Variants in HPSE2 observed in about 807,000 individuals in gnomAD.
HPSE2 encodes inactive heparanase-2.
HPSE2 carries 38 observed loss-of-function variants against 60.5 expected under a neutral mutation model. That is an observed-to-expected ratio of 0.63 (90% confidence interval 0.48 to 0.82). HPSE2 has a LOEUF of 0.82. Among genes scored for constraint, HPSE2 ranks in the 40% least tolerant of loss-of-function variants. HPSE2 has a pLI of 0.00. For synonymous variants in HPSE2, 295 were observed against 293.2 expected, an observed-to-expected ratio of 1.01 and a Z score of -0.06; for missense variants, 713 against 740.4, an observed-to-expected ratio of 0.96 and a Z score of 0.43.
intron 5 of HPSE2, among the ~76,000 whole-genome samples, chr10:98,697,320 G>C (rs1225774991): frequency 6.6e-6 from 1 of 152,172 alleles, no homozygotes; most frequent in Non-Finnish European, 1.5e-5. Context: ...TAAATAACTT[G>C]AAGGAGCTGA....
chr10:98,894,375 G>C (rs1953423344), intron 3 of HPSE2, among the ~76,000 whole-genome samples: 1 of 151,906 alleles, frequency 6.6e-6, no homozygotes, highest in African/African-American at 2.4e-5. Context: ...ATATAATAAG[G>C]GATACTTTAA....
At chr10:98,685,519 T>C (rs1033006353) in intron 6 of HPSE2, among the ~76,000 whole-genome samples, 6 of 152,204 alleles carry the variant, frequency 3.9e-5, no homozygotes, top group Admixed American at 1.3e-4. Flanking sequence ...AATGTGCTTT[T>C]TTATAAGGCT....
chr10:99,310,814 C>T, the HPSE2 span, among the ~76,000 whole-genome samples: 9 of 151,996 alleles, frequency 5.9e-5, no homozygotes, highest in Admixed American at 4.6e-4. Context: ...TTTTTAGTAG[C>T]GATGAGGTTA....
intron 6 of HPSE2, among the ~76,000 whole-genome samples, chr10:98,650,675 C>T (rs1256258588): frequency 6.6e-6 from 1 of 152,118 alleles, no homozygotes; most frequent in Non-Finnish European, 1.5e-5. Context: ...GGTGTAAAAA[C>T]ACAGTGACCA....
At chr10:98,835,898 C>A (rs1951779745) in intron 3 of HPSE2, among the ~76,000 whole-genome samples, 3 of 152,102 alleles carry the variant, frequency 2.0e-5, no homozygotes, top group African/African-American at 7.2e-5. Flanking sequence ...CTGCACTAGA[C>A]CCCCAACAAA....
intron 3 of HPSE2, among the ~76,000 whole-genome samples, chr10:98,805,027 C>T (rs956064771): frequency 1.8e-4 from 27 of 152,056 alleles, no homozygotes; most frequent in African/African-American, 4.1e-4. Context: ...TGAAATAAGC[C>T]AGGCAAGGGA....
intron 2 of HPSE2, among the ~76,000 whole-genome samples, chr10:99,161,467 G>A (rs1564857017): frequency 6.6e-6 from 1 of 152,080 alleles, no homozygotes; most frequent in Non-Finnish European, 1.5e-5. Flanking sequence ...AAAAGACCAC[G>A]TATTATGACT....
chr10:98,883,742 T>A (rs1171181741), intron 3 of HPSE2, among the ~76,000 whole-genome samples: 4 of 152,086 alleles, frequency 2.6e-5, no homozygotes, highest in African/African-American at 9.7e-5. Context: ...AGTTCAAGCC[T>A]GTAGTGAACT....
At chr10:98,546,892 C>T (rs1258562987) in intron 9 of HPSE2, among the ~76,000 whole-genome samples, 36 of 148,398 alleles carry the variant, frequency 2.4e-4, no homozygotes, top group South Asian at 4.3e-4. Flanking sequence ...AGAAAATTTT[C>T]TCAACCTACT....
intron 6 of HPSE2, among the ~76,000 whole-genome samples, chr10:98,668,893 T>C (rs1461437578): frequency 6.6e-6 from 1 of 152,108 alleles, no homozygotes; most frequent in Non-Finnish European, 1.5e-5. Context: ...AAAACAAAAA[T>C]TGACAAGTGG....
At chr10:99,193,315 A>G (rs1423213308) in intron 2 of HPSE2, among the ~76,000 whole-genome samples, 2 of 152,136 alleles carry the variant, frequency 1.3e-5, no homozygotes, top group East Asian at 1.9e-4. Flanking sequence ...ATAACATACT[A>G]CCAAAGAAAA....
chr10:98,473,365 G>C (rs1252989949), intron 11 of HPSE2, among the ~76,000 whole-genome samples: 3 of 151,618 alleles, frequency 2.0e-5, no homozygotes, highest in East Asian at 3.9e-4. Context: ...CGCACCTGTA[G>C]TCCCAGCTAC....
At chr10:99,151,571 T>G (rs558139263) in intron 2 of HPSE2, among the ~76,000 whole-genome samples, 1 of 152,122 alleles carries the variant, frequency 6.6e-6, no homozygotes, top group East Asian at 1.9e-4. Context: ...ATAAAAATGT[T>G]AAAAGCCCAA....
the HPSE2 span, among the ~76,000 whole-genome samples, chr10:99,241,416 A>T: frequency 6.6e-6 from 1 of 152,228 alleles, no homozygotes; most frequent in Non-Finnish European, 1.5e-5. Context: ...TCCAAGAGTA[A>T]AGCAATAATT....
chr10:98,753,714 C>T (rs1001355503), intron 3 of HPSE2, among the ~76,000 whole-genome samples: 2 of 152,148 alleles, frequency 1.3e-5, no homozygotes, highest in African/African-American at 2.4e-5. Flanking sequence ...ACCAGCCCCC[C>T]AGGGTTAGAG....
At chr10:98,839,885 A>C (rs1036071533) in intron 3 of HPSE2, among the ~76,000 whole-genome samples, 2 of 152,230 alleles carry the variant, frequency 1.3e-5, no homozygotes, top group African/African-American at 4.8e-5. Context: ...AAAAATTTCC[A>C]AGAGTGGCAT....
intron 3 of HPSE2, among the ~76,000 whole-genome samples, chr10:98,799,706 A>T (rs1476414978): frequency 6.6e-6 from 1 of 152,206 alleles, no homozygotes; most frequent in Non-Finnish European, 1.5e-5. Flanking sequence ...GAAGGAATTA[A>T]GAAAATTGCA....
chr10:99,206,507 G>A (rs116146691), intron 2 of HPSE2, among the ~76,000 whole-genome samples: 4,173 of 150,686 alleles, frequency 0.028, 188 homozygotes, highest in African/African-American at 0.096. Context: ...TAGCAGGATC[G>A]CTTGAGCCCA....
chr10:99,105,301 T>C (rs946927427), intron 3 of HPSE2, among the ~76,000 whole-genome samples: 1 of 152,194 alleles, frequency 6.6e-6, no homozygotes, highest in Non-Finnish European at 1.5e-5. Context: ...TGATATCATA[T>C]TGTGCTTTTA....
Sources: allele counts gnomAD v4.1 joint callset (sites outside exome capture counted in the v4.1 genomes callset), GRCh38; gene constraint gnomAD v4.1.1; transcripts MANE v1.5; gene names NCBI Gene and HGNC (gene_info 2026-07-23, HGNC 2026-07-21).